The following RUNX1T1 variants were observed in gnomAD, a reference collection of about 807,000 sequenced individuals.
RUNX1T1 encodes the protein protein CBFA2T1.
In RUNX1T1, 4 loss-of-function variants were observed where a neutral mutation model predicts 62.8. The observed-to-expected ratio is 0.06, with a 90% CI of 0.03 to 0.15. The LOEUF (loss-of-function observed/expected upper bound fraction) is 0.15, where lower values mean the gene tolerates loss of function less well. RUNX1T1 is among the 10% of genes least tolerant of loss of function. The probability of loss-of-function intolerance (pLI) is 1.00; values close to 1 mark genes in which losing one functional copy is unlikely to be tolerated. For synonymous variants in RUNX1T1, 291 were observed against 286.0 expected (o/e 1.02, Z -0.18); for missense variants, 508 against 754.3 (o/e 0.67, Z 3.82).
chr8:91,955,827 C>T (rs772306456), downstream of RUNX1T1: 5 of 227,238 alleles, frequency 2.2e-5, no homozygotes, highest in Admixed American at 1.1e-4. Flanking sequence ...ACAGCATTCA[C>T]AGGGTAGGGG....
intron 1 of RUNX1T1, among the ~76,000 whole-genome samples, chr8:92,027,115 CAAAA>C (rs71563484): frequency 1.6e-4 from 12 of 74,192 alleles, no homozygotes; most frequent in African/African-American, 4.2e-4. Flanking sequence ...AACTCCGTCT[CAAAA>C]AAAAAAAAAA....
chr8:91,989,940 T>C (rs1257043976), intron 6 of RUNX1T1, among the ~76,000 whole-genome samples: 1 of 152,172 alleles, frequency 6.6e-6, no homozygotes, highest in Non-Finnish European at 1.5e-5. Flanking sequence ...TGACACACTA[T>C]ATAAACGTAG....
At chr8:91,983,702 A>G (rs186429571) in intron 8 of RUNX1T1, among the ~76,000 whole-genome samples, 1 of 152,326 alleles carries the variant, frequency 6.6e-6, no homozygotes, top group Non-Finnish European at 1.5e-5. Flanking sequence ...TCAGCCAATA[A>G]TCTCCAATCC....
chr8:91,998,063 T>G (rs1819044002), intron 5 of RUNX1T1, among the ~76,000 whole-genome samples: 1 of 152,184 alleles, frequency 6.6e-6, no homozygotes, highest in African/African-American at 2.4e-5. Context: ...TGCAGTTTGT[T>G]AAGATTGCCA....
rs551996655 is a variant in RUNX1T1, at chr8:92,010,848, T to C, written c.477+154A>G. ...AAAACACTCCTTGTAATTTTCAGAC[T>C]ACTTAGGAAATGGTCATAAATACAA... On this transcript the variant is annotated intron_variant, in intron 4 of 10. Transcript: ENST00000396218. The C allele has an allele frequency of 2.2e-5, 11 of 495,210 alleles. No individual in the cohort carries two copies. The South Asian group carries it at 3.1e-4, about 14-fold the overall frequency. The allele number at this position is 495,210 out of a possible 1,614,324, so 30.7% of individuals were successfully genotyped here.
Position 91,976,707 on chromosome 8 carries a change from T to G in RUNX1T1, c.1199-734A>C, listed in dbSNP as rs923645671. Among the ~76,000 whole-genome samples, 3 of 152,360 alleles carry G rather than the reference T, an allele frequency of 2.0e-5. 1 individual carries two copies. Among genetic ancestry groups the G allele is most frequent in the Admixed American group, 6.5e-5 (1 of 15,304 alleles). On this transcript the variant is annotated intron_variant, in intron 8 of 10. Transcript: ENST00000396218. ...ATAACTTTGATATAGGAATGCTAACTTCTAAAATATGTTCATGGAATTAAC... is the reference window on the plus strand; with the variant it reads ...ATAACTTTGATATAGGAATGCTAACGTCTAAAATATGTTCATGGAATTAAC...
At chr8:91,955,938 C>T (rs1809305164), downstream of RUNX1T1, 1 of 229,528 alleles carries the variant, frequency 4.4e-6, no homozygotes, top group Non-Finnish European at 8.6e-6. Context: ...TTGGAGATAG[C>T]CACAGTGGAT....
chr8:91,996,970 A>G (rs1360920149), intron 5 of RUNX1T1, among the ~76,000 whole-genome samples: 2 of 151,206 alleles, frequency 1.3e-5, no homozygotes, highest in Non-Finnish European at 3.0e-5. Context: ...AAGAAAAAAA[A>G]AAAAAAATTA....
intron 1 of RUNX1T1, among the ~76,000 whole-genome samples, chr8:92,019,400 C>G (rs1392372692): frequency 1.3e-5 from 2 of 151,108 alleles, no homozygotes; most frequent in Non-Finnish European, 1.5e-5. Flanking sequence ...GTTGCACAGA[C>G]AGAGAAAGGA....
chr8:91,991,369 T>C (rs186472501), intron 6 of RUNX1T1, among the ~76,000 whole-genome samples: 2 of 152,276 alleles, frequency 1.3e-5, no homozygotes, highest in East Asian at 3.9e-4. Context: ...AACACAACAA[T>C]TGAGGGTCTT....
At chr8:91,975,400 T>C (rs1337088170) in intron 9 of RUNX1T1, among the ~76,000 whole-genome samples, 1 of 152,120 alleles carries the variant, frequency 6.6e-6, no homozygotes, top group Non-Finnish European at 1.5e-5. Context: ...TACTAATTAG[T>C]ACAGAAGAAC....
At chr8:91,965,184 G>T (rs1811317213) in intron 10 of RUNX1T1, among the ~76,000 whole-genome samples, 1 of 152,088 alleles carries the variant, frequency 6.6e-6, no homozygotes, top group Non-Finnish European at 1.5e-5. Context: ...TCACCCATGG[G>T]CACTGACAGC....
intron 5 of RUNX1T1, chr8:92,004,334 G>A (rs932739175): frequency 1.3e-5 from 2 of 152,218 alleles, no homozygotes; most frequent in Non-Finnish European, 2.9e-5. Flanking sequence ...TATGCAAAAT[G>A]ATGCTAATAA....
At chr8:91,957,586 A>C (rs903723822), downstream of RUNX1T1, 3 of 230,504 alleles carry the variant, frequency 1.3e-5, no homozygotes, top group Non-Finnish European at 8.6e-6. Context: ...TTTACACACT[A>C]GTGTTAAGAA....
intron 8 of RUNX1T1, among the ~76,000 whole-genome samples, chr8:91,983,594 C>A (rs956485234): frequency 6.6e-6 from 1 of 152,112 alleles, no homozygotes; most frequent in African/African-American, 2.4e-5. Flanking sequence ...CTGTGGGATA[C>A]GGAGATCTAA....
At chr8:92,095,324 C>T (rs1837626853) in intron 1 of RUNX1T1, 1 of 1,531,688 alleles carries the variant, frequency 6.5e-7, no homozygotes, top group Non-Finnish European at 8.7e-7. Context: ...TGCTCGCCTC[C>T]CTCCCCTGTT....
chr8:92,093,492 A>G (rs1377010403), intron 1 of RUNX1T1, among the ~76,000 whole-genome samples: 1 of 152,204 alleles, frequency 6.6e-6, no homozygotes, highest in African/African-American at 2.4e-5. Flanking sequence ...TATATAAGTT[A>G]TTGTCTATGC....
intron 4 of RUNX1T1, among the ~76,000 whole-genome samples, chr8:92,009,260 C>A (rs1294845014): frequency 1.3e-5 from 2 of 152,092 alleles, no homozygotes; most frequent in Non-Finnish European, 2.9e-5. Context: ...AATGTTTCTC[C>A]ATAAATGCAA....
chr8:92,015,355 C>G (rs911696281), intron 2 of RUNX1T1, among the ~76,000 whole-genome samples: 1 of 152,190 alleles, frequency 6.6e-6, no homozygotes, highest in African/African-American at 2.4e-5. Context: ...AGGCTATTTT[C>G]TCCCCCTCAT....
Sources: allele counts gnomAD v4.1 joint callset (sites outside exome capture counted in the v4.1 genomes callset), GRCh38; gene constraint gnomAD v4.1.1; transcripts MANE v1.5; gene names NCBI Gene and HGNC (gene_info 2026-07-23, HGNC 2026-07-21).